The following PSD3 variants were observed in gnomAD, a reference collection of about 807,000 sequenced individuals.
PSD3 encodes PH and SEC7 domain-containing protein 3.
In PSD3, 49 loss-of-function variants were observed where a neutral mutation model predicts 105.5. The observed-to-expected ratio is 0.46, with a 90% CI of 0.37 to 0.59. The LOEUF is 0.59. Among genes scored for constraint, PSD3 ranks in the 20% least tolerant of loss-of-function variants. The pLI is 0.00. For synonymous variants in PSD3, 557 were observed against 457.8 expected, an observed-to-expected ratio of 1.22 and a Z score of -2.77; for missense variants, 1,561 against 1,263.8, an observed-to-expected ratio of 1.24 and a Z score of -3.57.
At chr8:19,077,425 C>T (rs1829494078) in intron 1 of PSD3, among the ~76,000 whole-genome samples, 3 of 151,910 alleles carry the variant, frequency 2.0e-5, no homozygotes, top group Non-Finnish European at 4.4e-5. Flanking sequence ...TGAAGGGCAG[C>T]CAAAAAACAG....
rs544676210 is a variant in PSD3 at position 18,585,359 on chromosome 8, G to A, written c.2482-10074C>T. Reference sequence around the variant, plus strand: ...TTTTGAGACAGGCTCTCACTGTCACGCAGGCTAGAGTGCAATGACCCAATC... The same window carrying A: ...TTTTGAGACAGGCTCTCACTGTCACACAGGCTAGAGTGCAATGACCCAATC... On this transcript the variant is annotated intron_variant, in intron 12 of 15. Coordinates refer to ENST00000327040, the MANE Select transcript of PSD3 (RefSeq NM_015310.4). 3.9e-5 allele frequency among the ~76,000 whole-genome samples: 6 copies of A among 152,128 alleles called. No individual in the cohort carries two copies. In the South Asian group the frequency reaches 8.3e-4, roughly 21 times the overall value.
At chr8:18,613,562 G>C (rs746937158) in intron 11 of PSD3, among the ~76,000 whole-genome samples, 4 of 152,022 alleles carry the variant, frequency 2.6e-5, no homozygotes, top group Non-Finnish European at 4.4e-5. Context: ...TGCAACGCTA[G>C]AGTCACAGAA....
intron 10 of PSD3, 77 bp from the exon 11 acceptor site, chr8:18,632,883 AACT>A (rs1807002876): frequency 1.7e-6 from 2 of 1,161,436 alleles, no homozygotes; most frequent in South Asian, 3.3e-5. Flanking sequence ...TATTGTAAAA[AACT>A]ACATTGTATT....
intron 4 of PSD3, among the ~76,000 whole-genome samples, chr8:18,835,683 T>C (rs547007838): frequency 2.0e-5 from 3 of 152,216 alleles, no homozygotes; most frequent in Middle Eastern, 3.4e-3. Flanking sequence ...CAGAAGAGAA[T>C]CATTAAAAAT....
Position 18,872,614 on chromosome 8 carries a change from G to A in PSD3, c.250C>T (p.Leu84=). ...TGCTGCTCTTGTGGGTGGCATGGCA[G>A]AGCCTCACCATCAAATTCCAGAGAA... ...RASLEFDGEA[L]PCHPQEQQGV... Residue 84 remains leucine, a synonymous_variant, in exon 3 of 16, where the codon CTG becomes TTG. Transcript: ENST00000327040. 6.2e-7 allele frequency: 1 copy of A among 1,614,070 alleles called. No individual in the cohort carries two copies.
chr8:18,530,997 T>G lies in PSD3; in HGVS notation c.*4746A>C, dbSNP rs1328102678. ...ATTAAGGACAAAAATAATTTTGATG[T>G]ACATGTACCATACACTGATATGCAA... On this transcript the variant is annotated 3_prime_UTR_variant, in exon 16 of 16. Transcript: ENST00000327040. The G allele has an allele frequency of 1.3e-5, 2 of 152,148 alleles. No individual in the cohort carries two copies. The highest frequency in any genetic ancestry group is 4.8e-5 in the African/African-American group (2 of 41,430). The allele number at this position is 152,148 out of a possible 1,614,324, so 9.4% of individuals were successfully genotyped here.
chr8:18,872,335 T>C lies in PSD3; in HGVS notation c.529A>G (p.Ser177Gly). 2 of 1,614,208 alleles carry C rather than the reference T, an allele frequency of 1.2e-6. No individual in the cohort carries two copies. The highest frequency in any genetic ancestry group is 1.7e-6 in the Non-Finnish European group (2 of 1,180,018). Residue 177 changes from serine to glycine, a missense_variant, in exon 3 of 16, where the codon AGT becomes GGT. Physicochemically the swap from Ser to Gly is moderately conservative, Grantham distance 56. Coordinates refer to ENST00000327040, the MANE Select transcript of PSD3 (RefSeq NM_015310.4). ...QQVEKELDTA[S>G]RKTQRVNKTL... is the part of the protein sequence containing the mutation. ...TTGTTGACTCTCTGTGTTTTACGAC[T>C]GGCAGTGTCCAGCTCTTTTTCCACC...
intron 1 of PSD3, among the ~76,000 whole-genome samples, chr8:19,034,570 C>A (rs929030108): frequency 1.3e-5 from 2 of 152,178 alleles, no homozygotes; most frequent in African/African-American, 4.8e-5. Context: ...ATGCATCACT[C>A]GCTAGGTACC....
At chr8:19,076,181 A>C (rs1829458597) in intron 1 of PSD3, among the ~76,000 whole-genome samples, 2 of 152,254 alleles carry the variant, frequency 1.3e-5, no homozygotes, top group African/African-American at 2.4e-5. Flanking sequence ...GAGGATGAGA[A>C]AAGTAAGAAT....
intron 4 of PSD3, among the ~76,000 whole-genome samples, chr8:18,852,308 C>A (rs1237289901): frequency 1.3e-5 from 2 of 152,292 alleles, no homozygotes; most frequent in Middle Eastern, 3.4e-3. Flanking sequence ...AGCTTTCACA[C>A]AGCTGCACAG....
At chr8:18,687,738 A>G (rs79055201) in intron 9 of PSD3, among the ~76,000 whole-genome samples, 3,771 of 151,948 alleles carry the variant, frequency 0.025, 177 homozygotes, top group African/African-American at 0.086. Context: ...TTTTCTTCTC[A>G]TGGACTATAA....
chr8:18,550,790 A>G (rs1800717968), intron 15 of PSD3, among the ~76,000 whole-genome samples: 2 of 152,182 alleles, frequency 1.3e-5, no homozygotes, highest in African/African-American at 2.4e-5. Flanking sequence ...TTAGTATCCC[A>G]CGAAAAAAAG....
intron 11 of PSD3, among the ~76,000 whole-genome samples, chr8:18,629,218 G>A (rs1045106681): frequency 9.9e-5 from 15 of 151,990 alleles, no homozygotes; most frequent in Non-Finnish European, 5.9e-5. Context: ...TCATGACAAA[G>A]GGGTCAAATC....
intron 9 of PSD3, among the ~76,000 whole-genome samples, chr8:18,718,306 T>A (rs1802731458): frequency 6.6e-6 from 1 of 152,266 alleles, no homozygotes; most frequent in South Asian, 2.1e-4. Flanking sequence ...TCCCATGTTA[T>A]CCATTACATG....
chr8:18,886,045 C>T (rs1469534436), intron 2 of PSD3, among the ~76,000 whole-genome samples: 1 of 152,096 alleles, frequency 6.6e-6, no homozygotes, highest in East Asian at 1.9e-4. Flanking sequence ...AGAGAAACTC[C>T]TCCCCTATTC....
intron 10 of PSD3, among the ~76,000 whole-genome samples, chr8:18,652,058 T>C (rs1190963546): frequency 2.0e-5 from 3 of 151,936 alleles, no homozygotes; most frequent in African/African-American, 2.4e-5. Flanking sequence ...GGGTTCGAAG[T>C]GGTGGTGTGG....
intron 12 of PSD3, among the ~76,000 whole-genome samples, chr8:18,582,669 C>G (rs754155997): frequency 1.3e-5 from 2 of 152,152 alleles, no homozygotes; most frequent in African/African-American, 4.8e-5. Flanking sequence ...TCCACACACT[C>G]TGAATTCAAC....
Position 18,892,750 on chromosome 8 carries a change from A to G in PSD3, c.131-20017T>C, listed in dbSNP as rs146178734. Among the ~76,000 whole-genome samples, 3 of 150,442 alleles carry G rather than the reference A, an allele frequency of 2.0e-5. No individual in the cohort carries two copies. In the East Asian group the frequency reaches 5.9e-4, roughly 30 times the overall value. On this transcript the variant is annotated intron_variant, in intron 2 of 15. Transcript: ENST00000327040. ...AGCGATTCTCACACCTCAGCCTCCC[A>G]AGTAGCTGGGATTACAGGCATATAC... is the stretch of plus-strand genomic sequence containing the variant.
chr8:18,718,783 G>C (rs945732210), intron 9 of PSD3, among the ~76,000 whole-genome samples: 3 of 152,106 alleles, frequency 2.0e-5, no homozygotes, highest in African/African-American at 7.2e-5. Context: ...TTATAATTTA[G>C]AGACATTAAT....
Sources: gnomAD v4.1 joint callset for allele counts (sites outside exome capture counted in the v4.1 genomes callset) on GRCh38, gnomAD v4.1.1 for gene constraint, MANE v1.5 for transcripts, NCBI Gene and HGNC (gene_info 2026-07-23, HGNC 2026-07-21) for gene names.